Variants in BNIP3 observed in about 807,000 individuals in gnomAD.
BNIP3 encodes the protein BCL2 interacting protein 3.
In BNIP3, 16 loss-of-function variants were observed where a neutral mutation model predicts 23.9. The ratio of observed to expected loss-of-function variants is 0.67; its 90% CI spans 0.45 to 1.01. The LOEUF is 1.01. BNIP3 is among the 50% of genes least tolerant of loss of function. The pLI is 0.00. For synonymous variants in BNIP3, 81 were observed against 89.3 expected (o/e 0.91, Z 0.53); for missense variants, 198 against 248.7 (o/e 0.80, Z 1.37).
intron 1 of BNIP3, among the ~76,000 whole-genome samples, chr10:131,975,707 G>A (rs932376490): frequency 9.2e-5 from 14 of 152,150 alleles, no homozygotes; most frequent in Non-Finnish European, 1.9e-4. Flanking sequence ...AAAGCAAACC[G>A]AAGGCCCAGG....
At position 131,970,761 on chromosome 10, in the gene BNIP3, C is replaced by T. The variant is rs1589975473; in HGVS notation, c.416G>A (p.Arg139His). 2.5e-6 allele frequency: 4 copies of T among 1,614,174 alleles called. No homozygotes were observed. The highest frequency in any genetic ancestry group is 2.2e-5 in the East Asian group (1 of 44,880). ...GTTCCTCATGCTGAGGGTGGCCGTG[C>T]GCTTCGGGTGTTTAAAGAGGAACTC... ...PKEFLFKHPK[R>H]TATLSMRNTS... The change falls in exon 5 of 6, where the codon CGC becomes CAC. Residue 139 changes from arginine to histidine, a missense_variant. Transcript: ENST00000368636. The surrounding 1 kb of genome is among the most constrained non-coding windows in gnomAD (Gnocchi z 4.1).
At chr10:131,975,043 G>A (rs1197514456) in intron 1 of BNIP3, among the ~76,000 whole-genome samples, 1 of 152,210 alleles carries the variant, frequency 6.6e-6, no homozygotes, top group African/African-American at 2.4e-5. Flanking sequence ...ATGTACAGAA[G>A]TTCTTGATTT....
intron 1 of BNIP3, among the ~76,000 whole-genome samples, chr10:131,978,212 C>G (rs2037094346): frequency 6.6e-6 from 1 of 152,050 alleles, no homozygotes; most frequent in African/African-American, 2.4e-5. Context: ...TAACAAGACA[C>G]ACAGCCAGTA....
chr10:131,971,667 T>G (rs1290823747), intron 3 of BNIP3: 2 of 151,826 alleles, frequency 1.3e-5, no homozygotes, highest in Non-Finnish European at 1.5e-5. Flanking sequence ...AAAAAAGAAA[T>G]AAAATTGAAA....
chr10:131,970,682 G>T lies in BNIP3; in HGVS notation c.495C>A (p.Phe165Leu). The change falls in exon 5 of 6, where the codon TTC becomes TTA. Residue 165 changes from phenylalanine to leucine, a missense_variant. Transcript: ENST00000368636. The surrounding 1 kb of genome is among the most constrained non-coding windows in gnomAD (Gnocchi z 4.1). The part of the protein sequence containing the change: ...GIFSAEFLKV[F>L]LPSLLLSHLL... Reference sequence around the variant, plus strand: ...AATGAGAGAGCAGCAGAGATGGAAGGAAAACTTTCAGAAATTCTGCAGAGA... The same window carrying T: ...AATGAGAGAGCAGCAGAGATGGAAGTAAAACTTTCAGAAATTCTGCAGAGA... The T allele has an allele frequency of 6.2e-7, 1 of 1,614,172 alleles. No individual in the cohort carries two copies. The highest frequency in any genetic ancestry group is 8.5e-7 in the Non-Finnish European group (1 of 1,180,022).
At chr10:131,977,943 A>G (rs1045794525) in intron 1 of BNIP3, among the ~76,000 whole-genome samples, 43 of 152,314 alleles carry the variant, frequency 2.8e-4, no homozygotes, top group African/African-American at 1.0e-3. Context: ...CGTGCTGTGT[A>G]TCTACTCACG....
rs45565338 is a variant in BNIP3, at chr10:131,972,817, C to T, written c.282+217G>A. Among the ~76,000 whole-genome samples the T allele has an allele frequency of 1.9e-3, 282 of 152,282 alleles. 2 individuals are homozygous for T. The highest frequency in any genetic ancestry group is 6.0e-3 in the African/African-American group (250 of 41,566). On this transcript the variant is annotated intron_variant, in intron 3 of 5. Transcript: ENST00000368636. ...GGCCCCCGCTGCCTGTCCCACTCGG[C>T]GCCTCCCCCGCTCAGCTGAGTGTCC...
chr10:131,971,888 C>G (rs45441099), intron 3 of BNIP3, among the ~76,000 whole-genome samples: 69 of 152,300 alleles, frequency 4.5e-4, no homozygotes, highest in African/African-American at 1.6e-3. Context: ...CTCCTTGTTT[C>G]CTTGGTGAAG....
chr10:131,974,014 C>CCA, intron 1 of BNIP3, 71 bp from the exon 2 acceptor site: 2 of 1,579,894 alleles, frequency 1.3e-6, no homozygotes, highest in South Asian at 2.3e-5. Context: ...TGATATCTAA[C>CCA]CAGCCTGCCC....
Position 131,981,902 on chromosome 10 carries a change from G to C in BNIP3, c.-96C>G, listed in dbSNP as rs916377215. On this transcript the variant is annotated 5_prime_UTR_variant, in exon 1 of 6. Coordinates refer to ENST00000368636, the MANE Select transcript of BNIP3 (RefSeq NM_004052.4). ...GGGAAAGCGGAGGTCGGAGCGCCGC[G>C]GCCCAGCTGCGCTCCCGGACTGAGC... 7.6e-7 allele frequency: 1 copy of C among 1,322,508 alleles called. No individual in the cohort carries two copies. Among genetic ancestry groups the C allele is most frequent in the Non-Finnish European group, 9.7e-7 (1 of 1,028,068 alleles). The allele number at this position is 1,322,508 out of a possible 1,614,324, so 81.9% of individuals were successfully genotyped here. A position where few individuals can be genotyped will look rare whatever the true frequency, so the allele number is the denominator to read the frequency against.
intron 1 of BNIP3, chr10:131,980,636 T>C (rs2133697204): frequency 6.6e-6 from 1 of 151,424 alleles, no homozygotes; most frequent in Admixed American, 6.6e-5. Flanking sequence ...TATATATATA[T>C]TATTCAATAT....
intron 3 of BNIP3, chr10:131,971,582 C>T (rs1050778812): frequency 3.3e-5 from 5 of 152,574 alleles, no homozygotes; most frequent in African/African-American, 1.2e-4. Flanking sequence ...AATTCTGTAC[C>T]TGAACATCTA....
At position 131,981,899 on chromosome 10, in the gene BNIP3, C is replaced by T. The variant is rs545937508; in HGVS notation, c.-93G>A. 1.5e-6 allele frequency: 2 copies of T among 1,334,118 alleles called. No individual in the cohort carries two copies. Among genetic ancestry groups the T allele is most frequent in the East Asian group, 3.1e-5 (1 of 32,072 alleles). 82.6% of individuals were successfully genotyped at this position (1,334,118 alleles called of 1,614,324 possible). A position where few individuals can be genotyped will look rare whatever the true frequency, so the allele number is the denominator to read the frequency against. ...GGTGGGAAAGCGGAGGTCGGAGCGC[C>T]GCGGCCCAGCTGCGCTCCCGGACTG... On this transcript the variant is annotated 5_prime_UTR_variant, in exon 1 of 6. Coordinates refer to ENST00000368636, the MANE Select transcript of BNIP3 (RefSeq NM_004052.4).
intron 2 of BNIP3, 171 bp downstream of exon 2, chr10:131,973,622 G>GT (rs1260201738): frequency 1.2e-6 from 1 of 820,760 alleles, no homozygotes; most frequent in Admixed American, 2.8e-5. Flanking sequence ...CATCCCCAAA[G>GT]AGGGCGAGGC....
At chr10:131,979,279 A>C (rs2037101282) in intron 1 of BNIP3, among the ~76,000 whole-genome samples, 1 of 152,258 alleles carries the variant, frequency 6.6e-6, no homozygotes, top group African/African-American at 2.4e-5. Flanking sequence ...GTCTCAAAGC[A>C]CACAATGCTA....
Position 131,973,873 on chromosome 10 carries a change from A to G in BNIP3, c.117T>C (p.Tyr39=), listed in dbSNP as rs1564835333. The part of the protein sequence containing the change: ...GGSVPASVSI[Y]NGDMEKILLD... ...GCAGTATTTTTTCCATGTCTCCATTATAAATAGAAACCGAGGCTGGAACGC... is the reference window on the plus strand; with the variant it reads ...GCAGTATTTTTTCCATGTCTCCATTGTAAATAGAAACCGAGGCTGGAACGC... The change falls in exon 2 of 6, where the codon TAT becomes TAC. Residue 39 remains tyrosine (Y), a synonymous_variant. Transcript: ENST00000368636. 3.1e-6 allele frequency: 5 copies of G among 1,613,242 alleles called. No individual in the cohort carries two copies. Among genetic ancestry groups the G allele is most frequent in the South Asian group, 2.2e-5 (2 of 91,038 alleles).
rs748525985 is a variant in BNIP3, at chr10:131,970,953, A to C, written c.300T>G (p.Ile100Met). The stretch of plus-strand genomic sequence containing the variant: ...TGCTTTCAACTTCTTTCCTTCTTTC[A>C]ATATCATCTTCCTCAGACTAAGATA... ...KNSSQSEEDD[I>M]ERRKEVESIL... The change falls in exon 4 of 6, where the codon ATT (isoleucine) becomes ATG (methionine). Residue 100 changes from isoleucine to methionine, a missense_variant. By Grantham distance (10) the Ile-to-Met change is conservative (BLOSUM62 1). Transcript: ENST00000368636. The surrounding 1 kb of genome is among the most constrained non-coding windows in gnomAD (Gnocchi z 4.1). 2.5e-6 allele frequency: 4 copies of C among 1,614,044 alleles called. No individual in the cohort carries two copies. The highest frequency in any genetic ancestry group is 3.4e-6 in the Non-Finnish European group (4 of 1,179,984).
chr10:131,973,563 T>TACTGATGACTTGA, intron 2 of BNIP3: 1 of 577,794 alleles, frequency 1.7e-6, no homozygotes, highest in Non-Finnish European at 3.0e-6. Flanking sequence ...TTCCGCTGCC[T>TACTGATGACTTGA]ACTGATGACT....
intron 1 of BNIP3, among the ~76,000 whole-genome samples, chr10:131,978,697 T>G (rs1245684013): frequency 6.6e-6 from 1 of 152,160 alleles, no homozygotes; most frequent in Non-Finnish European, 1.5e-5. Context: ...CAGCCCACTC[T>G]GAAAGTGACT....
Sources: allele counts gnomAD v4.1 joint callset (sites outside exome capture counted in the v4.1 genomes callset), GRCh38; gene constraint gnomAD v4.1.1; non-coding constraint Gnocchi (gnomAD v3.1); transcripts MANE v1.5; gene names NCBI Gene and HGNC (gene_info 2026-07-23, HGNC 2026-07-21).